The following SUPT20H variants were observed in gnomAD, a reference collection of about 807,000 sequenced individuals.
SUPT20H encodes SPT20 homolog, SAGA complex component, also known as transcription factor SPT20 homolog.
In SUPT20H, 82 loss-of-function variants were observed where a neutral mutation model predicts 122.8. That is an observed-to-expected ratio of 0.67 (90% CI 0.56 to 0.80). SUPT20H has a LOEUF of 0.80. SUPT20H is among the 30% of genes least tolerant of loss of function. The pLI is 0.00. For missense variants in SUPT20H, 831 were observed against 921.6 expected (o/e 0.90, Z 1.27); for synonymous variants, 291 against 313.0 (o/e 0.93, Z 0.74).
intron 2 of SUPT20H, among the ~76,000 whole-genome samples, chr13:37,050,884 AAAT>A (rs2139188486): frequency 6.6e-6 from 1 of 152,328 alleles, no homozygotes; most frequent in South Asian, 2.1e-4. Flanking sequence ...TTATCTAAAT[AAAT>A]AACATGGTGG....
In SUPT20H at chr13:37,040,477, TAA is replaced by T; in HGVS notation, c.514-21_514-20del. 1 of 1,569,466 alleles carries T rather than the reference TAA, an allele frequency of 6.4e-7. No homozygotes were observed. ...TTAAAGTCTAGAAGAAATAAAAATT[TAA>T]AAAACTTATTAATCTATGCACAAAC... On this transcript the variant is annotated intron_variant, in intron 8 of 25. Coordinates refer to ENST00000350612, the MANE Select transcript of SUPT20H (RefSeq NM_001014286.3).
chr13:37,040,570 C>T lies in SUPT20H; in HGVS notation c.513+6G>A. On this transcript the variant is annotated splice_donor_region_variant and intron_variant, in intron 8 of 25. Transcript: ENST00000350612. ...AAAATAGTATTTCTTAATTAAACAT[C>T]CTTACCTGCATTGTTGGACGTAAGA... 1 of 1,611,754 alleles carries T rather than the reference C, an allele frequency of 6.2e-7. No homozygotes were observed. Among genetic ancestry groups the T allele is most frequent in the Middle Eastern group, 1.7e-4 (1 of 6,054 alleles).
chr13:37,022,443 T>G lies in SUPT20H; in HGVS notation c.1592-363A>C. 7.7e-7 allele frequency: 1 copy of G among 1,305,160 alleles called. No homozygotes were observed. The highest frequency in any genetic ancestry group is 2.7e-5 in the South Asian group (1 of 36,708). 80.8% of individuals were successfully genotyped at this position (1,305,160 alleles called of 1,614,324 possible). ...AGTTTTTTTTTTTTTAGCAGTTAACTGCAAGTGTTAATTTCTACACATGAT... is the reference window on the plus strand; with the variant it reads ...AGTTTTTTTTTTTTTAGCAGTTAACGGCAAGTGTTAATTTCTACACATGAT... On this transcript the variant is annotated intron_variant, in intron 19 of 25. Coordinates refer to ENST00000350612, the MANE Select transcript of SUPT20H (RefSeq NM_001014286.3). This position sits in a 1 kb window ranked among gnomAD's most constrained non-coding sequence, Gnocchi z 4.5.
At chr13:37,012,031 AT>A (rs2059706112) in intron 24 of SUPT20H, among the ~76,000 whole-genome samples, 160 bp downstream of exon 24, 2 of 152,194 alleles carry the variant, frequency 1.3e-5, no homozygotes, top group East Asian at 1.9e-4. Flanking sequence ...ATGAAAAAAA[AT>A]CTCAGCCATC....
intron 7 of SUPT20H, among the ~76,000 whole-genome samples, chr13:37,042,591 T>A (rs1052632086): frequency 6.6e-6 from 1 of 152,132 alleles, no homozygotes; most frequent in Non-Finnish European, 1.5e-5. Flanking sequence ...CAGGACGCAG[T>A]TATATCCACT....
chr13:37,040,719 C>T, intron 7 of SUPT20H, 27 bp from the exon 8 acceptor site: 1 of 1,566,320 alleles, frequency 6.4e-7, no homozygotes, highest in Non-Finnish European at 8.8e-7. Flanking sequence ...ACGTAAACGT[C>T]ATTTTTTTTT....
chr13:37,012,303 TA>T lies in SUPT20H; in HGVS notation c.1993-7del. 2 of 1,603,282 alleles carry T rather than the reference TA, an allele frequency of 1.2e-6. No individual in the cohort carries two copies. The highest frequency in any genetic ancestry group is 1.3e-5 in the African/African-American group (1 of 74,462). ...GTTGAACCTTGCTCAGAACCCTGAA[TA>T]AAAAAATAATAAATGACTTGTACAA... On this transcript the variant is annotated splice_polypyrimidine_tract_variant and splice_region_variant and intron_variant, in intron 23 of 25. Transcript: ENST00000350612.
chr13:37,010,949 T>C (rs2059510142), intron 24 of SUPT20H: 1 of 224,208 alleles, frequency 4.5e-6, no homozygotes, highest in African/African-American at 2.2e-5. Flanking sequence ...GCTATTTTGT[T>C]TAGAAGAGTA....
chr13:37,051,263 T>A (rs750444850), intron 2 of SUPT20H, among the ~76,000 whole-genome samples: 1 of 152,180 alleles, frequency 6.6e-6, no homozygotes, highest in South Asian at 2.1e-4. Context: ...ACTTCATAAA[T>A]ACAAGCACAG....
At chr13:37,019,968 T>G (rs2061219039) in intron 21 of SUPT20H, among the ~76,000 whole-genome samples, 1 of 152,162 alleles carries the variant, frequency 6.6e-6, no homozygotes, top group African/African-American at 2.4e-5. Context: ...ACAGAGCATA[T>G]CTTAAAGCTG....
chr13:37,020,823 T>C (rs911205359), intron 21 of SUPT20H, among the ~76,000 whole-genome samples: 13 of 152,306 alleles, frequency 8.5e-5, no homozygotes, highest in African/African-American at 1.2e-4. Context: ...ATCAAAAAAA[T>C]AAGCACAAGT....
chr13:37,013,640 C>T (rs1435186995), intron 23 of SUPT20H: 1 of 152,022 alleles, frequency 6.6e-6, no homozygotes, highest in Admixed American at 6.5e-5. Context: ...TTAACTTGGA[C>T]TTCAGCAAAA....
rs944360121 is a variant in SUPT20H, at chr13:37,033,441, G to A, written c.707+8C>T. ...TCTTTTGGTTCACCCTTCCACAAAG[G>A]CAATTACCGTTTCATTGGGCGAGTG... On this transcript the variant is annotated splice_region_variant and intron_variant, in intron 10 of 25. Coordinates refer to ENST00000350612, the MANE Select transcript of SUPT20H (RefSeq NM_001014286.3). 25 of 1,607,870 alleles carry A rather than the reference G, an allele frequency of 1.6e-5. No individual in the cohort carries two copies. The highest frequency in any genetic ancestry group is 2.0e-5 in the Non-Finnish European group (24 of 1,177,286).
At position 37,024,168 on chromosome 13, in the gene SUPT20H, T is replaced by C; in HGVS notation, c.1458A>G (p.Thr486=). 2 of 1,613,614 alleles carry C rather than the reference T, an allele frequency of 1.2e-6. No individual in the cohort carries two copies. The highest frequency in any genetic ancestry group is 1.7e-6 in the Non-Finnish European group (2 of 1,179,780). ...SSGNYFTPQQ[T]SSFLKSPTPP... ...GAGTTGGAGATTTGAGAAAGCTGCTTGTCTGTTGTGGTGTAAAATAGTTAC... is the reference window on the plus strand; with the variant it reads ...GAGTTGGAGATTTGAGAAAGCTGCTCGTCTGTTGTGGTGTAAAATAGTTAC... The change falls in exon 19 of 26, where the codon ACA becomes ACG. Residue 486 remains threonine, a synonymous_variant. Coordinates refer to ENST00000350612, the MANE Select transcript of SUPT20H (RefSeq NM_001014286.3).
chr13:37,031,784 T>C lies in SUPT20H; in HGVS notation c.819A>G (p.Arg273=), dbSNP rs2063380519. ...TGAGGTCATAATGCTGACCTGCTTT[T>C]CTTTCCTTTCTTTTTTGTAAGAAAT... ...LLDFLQKRKE[R]KAGQHYDLKI... Residue 273 remains arginine (R), a synonymous_variant, in exon 11 of 26, where the codon AGA becomes AGG. Coordinates refer to ENST00000350612, the MANE Select transcript of SUPT20H (RefSeq NM_001014286.3). 1 of 1,609,866 alleles carries C rather than the reference T, an allele frequency of 6.2e-7. No homozygotes were observed. The highest frequency in any genetic ancestry group is 1.3e-5 in the African/African-American group (1 of 74,790).
chr13:37,045,368 T>G lies in SUPT20H; in HGVS notation c.171A>C (p.Leu57Phe), dbSNP rs941567486. The G allele has an allele frequency of 6.2e-7, 1 of 1,613,262 alleles. No homozygotes were observed. Among genetic ancestry groups the G allele is most frequent in the Admixed American group, 1.7e-5 (1 of 59,954 alleles). The change falls in exon 6 of 26, where the codon TTA becomes TTC. Residue 57 changes from leucine (L) to phenylalanine (F), a missense_variant. Coordinates refer to ENST00000350612, the MANE Select transcript of SUPT20H (RefSeq NM_001014286.3). ...ECEKEPEVKK[L>F]RRNVNLLEKL... ...TCTCTAACAAGTTCACATTTCTTCT[T>G]AATTTCTGCTTTAAAAAGAGGCAGA...
rs759520883 is a variant in SUPT20H, at chr13:37,048,572, G to A, written c.31C>T (p.Arg11Cys). Reference protein sequence around the residue: MQQALELALDRAEYVIESARQ... With the variant: MQQALELALDCAEYVIESARQ... ...ACTTAGTCACACCTCACCTCTGCAC[G>A]ATCCAAAGCTAGTTCTAAAGCTTGT... The change falls in exon 3 of 26, where the codon CGT becomes TGT. Residue 11 changes from arginine to cysteine, a missense_variant. Physicochemically the swap from Arg to Cys is radical, Grantham distance 180. Transcript: ENST00000350612. The A allele has an allele frequency of 1.9e-6, 3 of 1,599,028 alleles. No individual in the cohort carries two copies. The highest frequency in any genetic ancestry group is 1.7e-5 in the Admixed American group (1 of 57,676).
chr13:37,009,549 TA>T lies in SUPT20H; in HGVS notation c.*122del. 1 of 1,181,206 alleles carries T rather than the reference TA, an allele frequency of 8.5e-7. No homozygotes were observed. The highest frequency in any genetic ancestry group is 1.2e-6 in the Non-Finnish European group (1 of 801,604). The allele number at this position is 1,181,206 out of a possible 1,614,324, so 73.2% of individuals were successfully genotyped here. Reference sequence around the variant, plus strand: ...AAAATGATAAGGTTGTGCTTCTGTATAAAGTTTGTACATCTAGCAATGTAAA... The same window carrying T: ...AAAATGATAAGGTTGTGCTTCTGTATAAGTTTGTACATCTAGCAATGTAAA... On this transcript the variant is annotated 3_prime_UTR_variant, in exon 26 of 26. Transcript: ENST00000350612.
At chr13:37,031,443 G>A in intron 12 of SUPT20H, 124 bp downstream of exon 12, 2 of 520,740 alleles carry the variant, frequency 3.8e-6, no homozygotes, top group Non-Finnish European at 3.3e-6. Context: ...AACTTGTTTA[G>A]AGTATGATCT....
Sources: allele counts gnomAD v4.1 joint callset (sites outside exome capture counted in the v4.1 genomes callset), GRCh38; gene constraint gnomAD v4.1.1; non-coding constraint Gnocchi (gnomAD v3.1); transcripts MANE v1.5; gene names NCBI Gene and HGNC (gene_info 2026-07-23, HGNC 2026-07-21).